C10orf67: variants seen among roughly 807,000 people sequenced by gnomAD.
C10orf67 encodes uncharacterized protein C10orf67, mitochondrial.
Under a neutral mutation model 35.6 loss-of-function variants are expected in C10orf67, and 60 were observed. The observed-to-expected ratio is 1.68, with a 90% CI of 1.37 to 2.09. The LOEUF (loss-of-function observed/expected upper bound fraction) is 2.09, where lower values mean the gene tolerates loss of function less well. Among genes scored for constraint, C10orf67 ranks in the 30% most tolerant of loss-of-function variants. The pLI, the probability that C10orf67 is intolerant of heterozygous loss-of-function variation, is 0.00. For synonymous variants in C10orf67, 167 were observed against 115.8 expected (o/e 1.44, Z -2.84); for missense variants, 474 against 330.2 (o/e 1.44, Z -3.38).
At chr10:23,233,972 CAT>C (rs753032476) in intron 13 of C10orf67, among the ~76,000 whole-genome samples, 3 of 152,170 alleles carry the variant, frequency 2.0e-5, no homozygotes, top group Non-Finnish European at 4.4e-5. Context: ...GATAAATTCA[CAT>C]AGTTTCAGTT....
chr10:23,235,012 C>CAAAAAAAAAAAAAAAAAAAAAAAAAAA (rs57049730), intron 13 of C10orf67, among the ~76,000 whole-genome samples: 1 of 76,050 alleles, frequency 1.3e-5, no homozygotes, highest in Non-Finnish European at 2.6e-5. Flanking sequence ...AATTCCATCT[C>CAAAAAAAAAAAAAAAAAAAAAAAAAAA]AAAAAAAAAA....
At chr10:23,233,027 C>T (rs1015385155) in intron 13 of C10orf67, among the ~76,000 whole-genome samples, 2 of 152,060 alleles carry the variant, frequency 1.3e-5, no homozygotes, top group Admixed American at 6.6e-5. Context: ...TGTGATGGTG[C>T]ACACCTGCAG....
At chr10:23,321,822 T>C (rs1277124923) in intron 3 of C10orf67, among the ~76,000 whole-genome samples, 4 of 152,146 alleles carry the variant, frequency 2.6e-5, no homozygotes, top group Non-Finnish European at 4.4e-5. Flanking sequence ...GGTCTCGACT[T>C]GTCACCCAGG....
At chr10:23,246,405 A>G (rs1401882415) in intron 12 of C10orf67, among the ~76,000 whole-genome samples, 1 of 152,242 alleles carries the variant, frequency 6.6e-6, no homozygotes, top group African/African-American at 2.4e-5. Flanking sequence ...ATTTTTAAAA[A>G]GTCAATGAAA....
At chr10:23,313,919 T>TGG (rs1564505713) in intron 4 of C10orf67, among the ~76,000 whole-genome samples, 2 of 151,922 alleles carry the variant, frequency 1.3e-5, no homozygotes, top group Non-Finnish European at 2.9e-5. Flanking sequence ...GACGATGGAC[T>TGG]TAATGAAGAC....
intron 10 of C10orf67, among the ~76,000 whole-genome samples, chr10:23,252,603 T>C (rs1402505845): frequency 1.3e-5 from 2 of 152,152 alleles, no homozygotes; most frequent in Non-Finnish European, 2.9e-5. Context: ...AGAGGTGAAA[T>C]TTAGGTGACT....
At chr10:23,214,214 C>T (rs1279811758) in intron 15 of C10orf67, among the ~76,000 whole-genome samples, 4 of 151,884 alleles carry the variant, frequency 2.6e-5, no homozygotes. Context: ...AATCTTCAGT[C>T]ATAGAGAGAT....
At chr10:23,248,117 G>A (rs975642913) in intron 12 of C10orf67, among the ~76,000 whole-genome samples, 1 of 152,124 alleles carries the variant, frequency 6.6e-6, no homozygotes, top group Non-Finnish European at 1.5e-5. Context: ...AGAGTGGCAC[G>A]GGAACCACCT....
intron 4 of C10orf67, chr10:23,318,777 A>G: frequency 3.0e-6 from 2 of 674,346 alleles, no homozygotes; most frequent in Non-Finnish European, 5.5e-6. Context: ...TTGTTATCTC[A>G]TGAATAAGAG....
chr10:23,236,760 C>G (rs538086789), intron 13 of C10orf67, among the ~76,000 whole-genome samples: 5 of 152,142 alleles, frequency 3.3e-5, no homozygotes, highest in African/African-American at 1.2e-4. Context: ...GCCTGTAATT[C>G]CAGCTACTCA....
At position 23,223,775 on chromosome 10, in the gene C10orf67, G is replaced by A. The variant is rs776396343; in HGVS notation, c.1478C>T (p.Ala493Val). The A allele has an allele frequency of 2.8e-6, 2 of 715,386 alleles. No individual in the cohort carries two copies. Among genetic ancestry groups the A allele is most frequent in the South Asian group, 1.5e-5 (1 of 67,520 alleles). 44.3% of individuals were successfully genotyped at this position (715,386 alleles called of 1,614,324 possible). A position where few individuals can be genotyped will look rare whatever the true frequency, so the allele number is the denominator to read the frequency against. Residue 493 changes from alanine to valine, a missense_variant, in exon 14 of 16, where the codon GCT becomes GTT. Ala to Val is a moderately conservative substitution (Grantham distance 64). Coordinates refer to ENST00000636213, the MANE Select transcript of C10orf67 (RefSeq NM_001371909.1). The stretch of plus-strand genomic sequence containing the variant: ...TGTACAATGACTTGAAGAGGATATA[G>A]CTGTCATGGTCGTTCTAGACTGCAC... Reference protein sequence around the residue: ...LLVQSRTTMTAISSSSHCTSS... With the variant: ...LLVQSRTTMTVISSSSHCTSS...
At chr10:23,213,482 G>A (rs919996703) in intron 15 of C10orf67, among the ~76,000 whole-genome samples, 1 of 152,054 alleles carries the variant, frequency 6.6e-6, no homozygotes, top group Non-Finnish European at 1.5e-5. Context: ...CTAAGTAGAG[G>A]CTCAACGGTG....
intron 7 of C10orf67, among the ~76,000 whole-genome samples, chr10:23,282,781 T>C (rs1184373174): frequency 6.6e-6 from 1 of 152,156 alleles, no homozygotes; most frequent in African/African-American, 2.4e-5. Flanking sequence ...CAATGAACTA[T>C]GGTCGCACCA....
chr10:23,328,181 A>G (rs536526087), intron 2 of C10orf67, among the ~76,000 whole-genome samples: 9 of 152,236 alleles, frequency 5.9e-5, no homozygotes, highest in Middle Eastern at 6.8e-3. Flanking sequence ...AAGCCTCAAA[A>G]TCTACGATCT....
intron 4 of C10orf67, among the ~76,000 whole-genome samples, chr10:23,304,341 C>T (rs1294611730): frequency 2.0e-5 from 3 of 152,134 alleles, no homozygotes; most frequent in Admixed American, 6.6e-5. Flanking sequence ...CAAAGGCAGG[C>T]CCACTGATTT....
chr10:23,248,036 G>A (rs968965416), intron 12 of C10orf67, among the ~76,000 whole-genome samples: 8 of 152,194 alleles, frequency 5.3e-5, no homozygotes, highest in African/African-American at 1.7e-4. Context: ...GTCTCTCTGG[G>A]ATGGCAATCT....
intron 4 of C10orf67, among the ~76,000 whole-genome samples, chr10:23,316,437 T>C (rs1844713990): frequency 6.6e-6 from 1 of 152,226 alleles, no homozygotes; most frequent in African/African-American, 2.4e-5. Context: ...GGGCTGCAGC[T>C]CTTCTCTCCG....
At chr10:23,291,422 G>T (rs759800305) in intron 5 of C10orf67, 143 bp from the exon 6 acceptor site, 25 of 576,360 alleles carry the variant, frequency 4.3e-5, no homozygotes, top group Non-Finnish European at 3.0e-5. Flanking sequence ...AAAGGAAGGA[G>T]CCTAAATAGA....
intron 8 of C10orf67, among the ~76,000 whole-genome samples, chr10:23,267,590 A>T (rs1228450668): frequency 6.6e-6 from 1 of 152,230 alleles, no homozygotes; most frequent in Non-Finnish European, 1.5e-5. Context: ...AGCTATAAAT[A>T]CTAGGCCTTA....
Sources: allele counts gnomAD v4.1 joint callset (sites outside exome capture counted in the v4.1 genomes callset), GRCh38; gene constraint gnomAD v4.1.1; transcripts MANE v1.5; gene names NCBI Gene and HGNC (gene_info 2026-07-23, HGNC 2026-07-21).